C9orf85: variants seen among roughly 807,000 people sequenced by gnomAD.
C9orf85 encodes uncharacterized protein C9orf85.
A neutral mutation model predicts 14.9 loss-of-function variants in C9orf85; 16 were observed. That is an observed-to-expected ratio of 1.08 (90% CI 0.73 to 1.63). The LOEUF is 1.63. C9orf85 is among the 40% of genes most tolerant of loss of function. The pLI, the probability that C9orf85 is intolerant of heterozygous loss-of-function variation, is 0.00. For synonymous variants in C9orf85, 45 were observed against 56.8 expected, an observed-to-expected ratio of 0.79 and a Z score of 0.93; for missense variants, 172 against 186.1, an observed-to-expected ratio of 0.92 and a Z score of 0.44.
At chr9:71,944,245 A>AAG (rs1554707551) in intron 1 of C9orf85, among the ~76,000 whole-genome samples, 85 of 150,436 alleles carry the variant, frequency 5.7e-4, no homozygotes, top group South Asian at 6.3e-4. Flanking sequence ...AAAAAAAAAA[A>AAG]AAGTTGTAGG....
At chr9:71,955,191 T>G (rs773928871) in intron 2 of C9orf85, among the ~76,000 whole-genome samples, 1 of 152,170 alleles carries the variant, frequency 6.6e-6, no homozygotes, top group African/African-American at 2.4e-5. Context: ...ATTGTATTAT[T>G]GTATGTGTCT....
At chr9:71,949,013 C>T (rs776164279) in intron 2 of C9orf85, among the ~76,000 whole-genome samples, 4 of 152,202 alleles carry the variant, frequency 2.6e-5, no homozygotes, top group African/African-American at 4.8e-5. Flanking sequence ...ATTGTGTTCT[C>T]TGCTAGAGTA....
intron 1 of C9orf85, among the ~76,000 whole-genome samples, chr9:71,938,438 A>T (rs1244227263): frequency 6.6e-6 from 1 of 152,076 alleles, no homozygotes; most frequent in Non-Finnish European, 1.5e-5. Context: ...GAGTTGAGTA[A>T]TAATGCACAA....
downstream of C9orf85, chr9:71,983,865 A>C (rs1292708958): frequency 6.6e-6 from 1 of 152,208 alleles, no homozygotes; most frequent in South Asian, 2.1e-4. Context: ...ATCATCTTTA[A>C]GTCAAAGTGA....
intron 1 of C9orf85, among the ~76,000 whole-genome samples, chr9:71,921,102 TGTA>T (rs1336261260): frequency 3.3e-5 from 5 of 152,144 alleles, no homozygotes; most frequent in Non-Finnish European, 7.4e-5. Flanking sequence ...CTGACTCTAG[TGTA>T]GTATCACATG....
chr9:71,947,987 C>T (rs897148848), intron 2 of C9orf85, among the ~76,000 whole-genome samples: 1 of 152,222 alleles, frequency 6.6e-6, no homozygotes, highest in African/African-American at 2.4e-5. Flanking sequence ...TATCAGCCTT[C>T]TGTGCATCCT....
At chr9:71,930,183 TC>T (rs1490605524) in intron 1 of C9orf85, among the ~76,000 whole-genome samples, 1 of 152,162 alleles carries the variant, frequency 6.6e-6, no homozygotes, top group East Asian at 1.9e-4. Context: ...AATGCTTTTG[TC>T]TGGACACCTG....
At chr9:71,953,120 C>A (rs1056998703) in intron 2 of C9orf85, among the ~76,000 whole-genome samples, 1 of 152,118 alleles carries the variant, frequency 6.6e-6, no homozygotes, top group African/African-American at 2.4e-5. Flanking sequence ...TGCTGCTAAA[C>A]ATCCCACAGT....
At chr9:71,974,877 T>C (rs932538645), downstream of C9orf85, among the ~76,000 whole-genome samples, 3 of 152,190 alleles carry the variant, frequency 2.0e-5, no homozygotes, top group African/African-American at 7.2e-5. Flanking sequence ...ATAATTGTAT[T>C]TCTAATTACA....
At chr9:71,979,194 A>T (rs1010112100) in intron 3 of C9orf85, among the ~76,000 whole-genome samples, 1 of 152,236 alleles carries the variant, frequency 6.6e-6, no homozygotes, top group African/African-American at 2.4e-5. Flanking sequence ...AGAGTAGTAG[A>T]TAAAACCACT....
intron 1 of C9orf85, among the ~76,000 whole-genome samples, chr9:71,931,936 G>T (rs1015903953): frequency 6.6e-6 from 1 of 152,134 alleles, no homozygotes; most frequent in Admixed American, 6.5e-5. Flanking sequence ...CTAGGGCAGT[G>T]GTTCTTAGAC....
chr9:71,981,159 G>T (rs374527253), intron 3 of C9orf85, among the ~76,000 whole-genome samples: 8 of 152,308 alleles, frequency 5.3e-5, no homozygotes, highest in Admixed American at 2.6e-4. Context: ...TTGTAGCTGT[G>T]TGGTTACACA....
At chr9:71,915,130 C>T (rs1404234823) in intron 1 of C9orf85, among the ~76,000 whole-genome samples, 2 of 151,716 alleles carry the variant, frequency 1.3e-5, no homozygotes, top group Admixed American at 6.6e-5. Context: ...TATCTCTTGT[C>T]TTACTTTCCT....
intron 2 of C9orf85, among the ~76,000 whole-genome samples, chr9:71,963,642 C>T (rs1188156927): frequency 6.6e-6 from 1 of 152,230 alleles, no homozygotes; most frequent in Non-Finnish European, 1.5e-5. Flanking sequence ...GATTAGCTGG[C>T]CGGCCCTGCC....
At chr9:71,911,953 G>C in intron 1 of C9orf85, 117 bp downstream of exon 1, 2 of 875,700 alleles carry the variant, frequency 2.3e-6, no homozygotes, top group Non-Finnish European at 3.9e-6. Flanking sequence ...CCCAGAGTTA[G>C]TCTTGGCTGC....
Position 71,948,499 on chromosome 9 carries a change from CTTTTG to C in C9orf85, c.209+1392_209+1396del, listed in dbSNP as rs1051388583. ...TTTATTACAGGTATAGTTGACCCCC[CTTTTG>C]TTTTATTTTATTTATTTATTTATTT... On this transcript the variant is annotated intron_variant, in intron 2 of 3. Coordinates refer to ENST00000334731, the MANE Select transcript of C9orf85 (RefSeq NM_182505.5). 8.6e-4 allele frequency among the ~76,000 whole-genome samples: 130 copies of C among 151,924 alleles called. 1 individual carries two copies. The highest frequency in any genetic ancestry group is 3.1e-3 in the African/African-American group (130 of 41,454).
At chr9:71,981,098 A>G (rs1361619054) in intron 3 of C9orf85, among the ~76,000 whole-genome samples, 1 of 152,212 alleles carries the variant, frequency 6.6e-6, no homozygotes, top group Non-Finnish European at 1.5e-5. Flanking sequence ...AGCCACAGTG[A>G]GGGGCCAGGC....
chr9:71,967,261 T>C (rs1822719597), intron 2 of C9orf85, among the ~76,000 whole-genome samples: 1 of 152,212 alleles, frequency 6.6e-6, no homozygotes, highest in African/African-American at 2.4e-5. Context: ...TTTTCCAACA[T>C]TGTTTGTTGA....
intron 1 of C9orf85, among the ~76,000 whole-genome samples, chr9:71,933,117 G>C (rs939771068): frequency 2.6e-5 from 4 of 152,154 alleles, no homozygotes; most frequent in Admixed American, 6.5e-5. Flanking sequence ...AGAGTCTAAA[G>C]AATCTGTGGG....
Sources: gnomAD v4.1 joint callset for allele counts (sites outside exome capture counted in the v4.1 genomes callset) on GRCh38, gnomAD v4.1.1 for gene constraint, MANE v1.5 for transcripts, NCBI Gene and HGNC (gene_info 2026-07-23, HGNC 2026-07-21) for gene names.